ELOVL6: variants seen among roughly 807,000 people sequenced by gnomAD.
ELOVL6 encodes very long chain fatty acid elongase 6.
ELOVL6 carries 8 observed loss-of-function variants against 31.7 expected under a neutral mutation model. The observed-to-expected ratio is 0.25, with a 90% confidence interval of 0.15 to 0.45. The LOEUF (loss-of-function observed/expected upper bound fraction) is 0.45, where lower values mean the gene tolerates loss of function less well. Ranked by LOEUF, ELOVL6 falls within the 20% of genes least tolerant of loss-of-function variation. The pLI is 1.00. For synonymous variants in ELOVL6, 101 were observed against 117.7 expected (o/e 0.86, Z 0.92); for missense variants, 126 against 326.4 (o/e 0.39, Z 4.73).
chr4:110,054,830 T>G (rs1365519722), intron 3 of ELOVL6, among the ~76,000 whole-genome samples: 1 of 152,068 alleles, frequency 6.6e-6, no homozygotes, highest in African/African-American at 2.4e-5. Context: ...CTAGTTACTT[T>G]AGGGAGGGGA....
intron 1 of ELOVL6, among the ~76,000 whole-genome samples, chr4:110,142,449 T>G (rs1391014929): frequency 1.3e-5 from 2 of 151,178 alleles, no homozygotes; most frequent in Non-Finnish European, 2.9e-5. Context: ...AAAAATAATT[T>G]ATAAACATTG....
At chr4:110,196,156 G>C (rs1759771751) in intron 1 of ELOVL6, among the ~76,000 whole-genome samples, 1 of 152,208 alleles carries the variant, frequency 6.6e-6, no homozygotes, top group African/African-American at 2.4e-5. Flanking sequence ...ATCGACTGCA[G>C]TGGGCTAGGA....
At chr4:110,083,479 G>C (rs1023286526) in intron 2 of ELOVL6, among the ~76,000 whole-genome samples, 3 of 151,628 alleles carry the variant, frequency 2.0e-5, no homozygotes, top group Admixed American at 6.6e-5. Flanking sequence ...GGACTAAAGA[G>C]AGACATGGTT....
At chr4:110,090,903 G>A (rs1235871641) in intron 2 of ELOVL6, among the ~76,000 whole-genome samples, 1 of 152,026 alleles carries the variant, frequency 6.6e-6, no homozygotes, top group Non-Finnish European at 1.5e-5. Flanking sequence ...ACTCCTGGCC[G>A]AGAGTTTGAC....
intron 2 of ELOVL6, among the ~76,000 whole-genome samples, chr4:110,104,021 C>T (rs1756821166): frequency 6.6e-6 from 1 of 152,066 alleles, no homozygotes; most frequent in Non-Finnish European, 1.5e-5. Context: ...ACAAGGTGAG[C>T]AAGATTAAAC....
intron 1 of ELOVL6, among the ~76,000 whole-genome samples, chr4:110,139,046 C>T (rs1382999746): frequency 1.3e-5 from 2 of 152,024 alleles, no homozygotes; most frequent in East Asian, 3.8e-4. Flanking sequence ...AAGTTCTTAT[C>T]TTGCAGGGTT....
chr4:110,101,259 C>CA (rs1560823368), intron 2 of ELOVL6, among the ~76,000 whole-genome samples: 19 of 152,232 alleles, frequency 1.2e-4, no homozygotes, highest in African/African-American at 4.3e-4. Context: ...AGGCTAGTCT[C>CA]GGACTCCTGA....
intron 2 of ELOVL6, among the ~76,000 whole-genome samples, chr4:110,100,506 G>A (rs1756711291): frequency 6.6e-6 from 1 of 151,924 alleles, no homozygotes. Context: ...TTTTAAGTAT[G>A]CTGCAGATAT....
rs926020374 is a variant in ELOVL6 at position 110,192,033 on chromosome 4, C to T, written c.89+6214G>A. Among the ~76,000 whole-genome samples the T allele has an allele frequency of 4.0e-5, 6 of 151,456 alleles. No homozygotes were observed. The South Asian group carries it at 1.3e-3, about 32-fold the overall frequency. ...GGTGAAAACTCGTTTCTACTAAATA[C>T]AAAAAAATCAGCCGGGTGTAGTGGC... On this transcript the variant is annotated intron_variant, in intron 1 of 3. Coordinates refer to ENST00000302274, the MANE Select transcript of ELOVL6 (RefSeq NM_024090.3).
chr4:110,059,140 C>T (rs978670067), intron 3 of ELOVL6, among the ~76,000 whole-genome samples: 1 of 152,180 alleles, frequency 6.6e-6, no homozygotes, highest in African/African-American at 2.4e-5. Context: ...GAGACCAACC[C>T]TCAGCATTTG....
intron 1 of ELOVL6, among the ~76,000 whole-genome samples, chr4:110,163,685 AAG>A (rs1487904702): frequency 7.2e-5 from 11 of 152,186 alleles, no homozygotes; most frequent in Non-Finnish European, 1.6e-4. Flanking sequence ...GCAAAAATGG[AAG>A]AGTTTAAGAT....
chr4:110,058,556 C>T (rs1350998532), intron 3 of ELOVL6, among the ~76,000 whole-genome samples: 2 of 152,018 alleles, frequency 1.3e-5, no homozygotes, highest in East Asian at 1.9e-4. Flanking sequence ...GGACACGGGG[C>T]GTGAACAAGG....
chr4:110,112,134 T>C (rs1757050544), intron 1 of ELOVL6, among the ~76,000 whole-genome samples: 1 of 51,480 alleles, frequency 1.9e-5, no homozygotes, highest in Admixed American at 2.1e-4. Context: ...TGAAGGGTAC[T>C]GAAAGTCTGA....
intron 1 of ELOVL6, among the ~76,000 whole-genome samples, chr4:110,193,363 C>T (rs760537079): frequency 2.0e-5 from 3 of 152,114 alleles, no homozygotes; most frequent in Non-Finnish European, 2.9e-5. Context: ...TCAGCACTTT[C>T]GGAGGCCGAG....
intron 1 of ELOVL6, among the ~76,000 whole-genome samples, chr4:110,121,782 AC>A (rs370665013): frequency 2.6e-5 from 4 of 152,318 alleles, no homozygotes; most frequent in African/African-American, 9.6e-5. Context: ...TAAATCACTT[AC>A]ACTTGCAATT....
intron 3 of ELOVL6, among the ~76,000 whole-genome samples, chr4:110,053,755 C>T (rs559059884): frequency 2.6e-4 from 39 of 152,172 alleles, no homozygotes; most frequent in South Asian, 1.5e-3. Context: ...CTGGCTAACA[C>T]GGTGAAACCC....
At chr4:110,098,567 C>T (rs546962660) in intron 2 of ELOVL6, among the ~76,000 whole-genome samples, 1 of 152,226 alleles carries the variant, frequency 6.6e-6, no homozygotes, top group South Asian at 2.1e-4. Flanking sequence ...GTATTTCTCT[C>T]CTTCCCTTCC....
intron 1 of ELOVL6, among the ~76,000 whole-genome samples, chr4:110,154,828 C>T (rs1578265287): frequency 6.6e-6 from 1 of 152,140 alleles, no homozygotes; most frequent in Admixed American, 6.5e-5. Flanking sequence ...ACTATGGATC[C>T]TATCTCTTAT....
intron 2 of ELOVL6, among the ~76,000 whole-genome samples, chr4:110,074,715 G>C (rs892086689): frequency 6.6e-6 from 1 of 152,134 alleles, no homozygotes; most frequent in Non-Finnish European, 1.5e-5. Context: ...ACAGTGTGCT[G>C]TTTTATTACA....
Sources: allele counts gnomAD v4.1 joint callset (sites outside exome capture counted in the v4.1 genomes callset), GRCh38; gene constraint gnomAD v4.1.1; transcripts MANE v1.5; gene names NCBI Gene and HGNC (gene_info 2026-07-23, HGNC 2026-07-21).